LRMDA: variants seen among roughly 807,000 people sequenced by gnomAD.
LRMDA encodes the protein leucine-rich melanocyte differentiation-associated protein.
In LRMDA, 18 loss-of-function variants were observed where a neutral mutation model predicts 29.8. That is an observed-to-expected ratio of 0.60 (90% CI 0.42 to 0.90). The LOEUF (loss-of-function observed/expected upper bound fraction) is 0.90. Ranked by LOEUF, LRMDA falls within the 40% of genes least tolerant of loss-of-function variation. The probability of loss-of-function intolerance (pLI) is 0.00; values close to 1 mark genes in which losing one functional copy is unlikely to be tolerated. For synonymous variants in LRMDA, 125 were observed against 109.4 expected (o/e 1.14, Z -0.89); for missense variants, 273 against 273.9 (o/e 1.00, Z 0.02).
chr10:76,115,840 G>T (rs1293826926), intron 5 of LRMDA, among the ~76,000 whole-genome samples: 1 of 152,132 alleles, frequency 6.6e-6, no homozygotes, highest in East Asian at 1.9e-4. Context: ...CTGGAGTGGT[G>T]AGGGAGAAAA....
intron 3 of LRMDA, among the ~76,000 whole-genome samples, chr10:76,041,704 G>A (rs1474333191): frequency 6.6e-6 from 1 of 152,124 alleles, no homozygotes; most frequent in Non-Finnish European, 1.5e-5. Flanking sequence ...AAGGCAAGAT[G>A]CTGCTTTGAT....
intron 5 of LRMDA, among the ~76,000 whole-genome samples, chr10:76,106,352 C>T (rs1849484284): frequency 6.6e-6 from 1 of 152,152 alleles, no homozygotes; most frequent in Non-Finnish European, 1.5e-5. Context: ...TAAAGTCTAA[C>T]CTAACCCCCA....
chr10:76,494,930 C>T (rs1326440935), intron 6 of LRMDA, among the ~76,000 whole-genome samples: 1 of 151,738 alleles, frequency 6.6e-6, no homozygotes, highest in Non-Finnish European at 1.5e-5. Context: ...TTATTTTGGC[C>T]AGAAAATATT....
At chr10:76,386,208 T>C (rs1242991117) in intron 6 of LRMDA, among the ~76,000 whole-genome samples, 2 of 152,244 alleles carry the variant, frequency 1.3e-5, no homozygotes, top group South Asian at 4.1e-4. Context: ...ACAAAGTCTA[T>C]ATATTTTATA....
chr10:75,587,039 A>G (rs1393923749), intron 2 of LRMDA, among the ~76,000 whole-genome samples: 4 of 152,192 alleles, frequency 2.6e-5, no homozygotes, highest in African/African-American at 9.6e-5. Context: ...CATATCCATG[A>G]CATCATTGCT....
chr10:75,551,162 C>CTT (rs71307703), intron 2 of LRMDA, among the ~76,000 whole-genome samples: 4,660 of 136,192 alleles, frequency 0.034, 276 homozygotes, highest in African/African-American at 0.12. Flanking sequence ...AGTCAGCTAT[C>CTT]TTTTTTTTTT....
At chr10:75,844,895 A>G (rs1844606541) in intron 2 of LRMDA, among the ~76,000 whole-genome samples, 1 of 152,162 alleles carries the variant, frequency 6.6e-6, no homozygotes, top group Non-Finnish European at 1.5e-5. Flanking sequence ...AACAATGGAT[A>G]TTTTAGAGCT....
At chr10:76,059,723 AAAAAAC>A (rs1451087473) in intron 5 of LRMDA, among the ~76,000 whole-genome samples, 2 of 152,248 alleles carry the variant, frequency 1.3e-5, no homozygotes, top group East Asian at 3.8e-4. Context: ...GGGGGGAAAG[AAAAAAC>A]AAAAACAAAA....
At chr10:75,699,649 T>C (rs1422351635) in intron 2 of LRMDA, among the ~76,000 whole-genome samples, 1 of 152,232 alleles carries the variant, frequency 6.6e-6, no homozygotes, top group Non-Finnish European at 1.5e-5. Flanking sequence ...TATCATGATT[T>C]AATACACTCA....
At chr10:75,488,927 G>T (rs779845428) in intron 2 of LRMDA, among the ~76,000 whole-genome samples, 1 of 152,042 alleles carries the variant, frequency 6.6e-6, no homozygotes, top group Non-Finnish European at 1.5e-5. Context: ...CTTTCCCTTC[G>T]TGGGAACCAA....
At chr10:76,220,601 A>G (rs1355569641) in intron 5 of LRMDA, among the ~76,000 whole-genome samples, 9 of 152,316 alleles carry the variant, frequency 5.9e-5, no homozygotes, top group African/African-American at 2.2e-4. Flanking sequence ...TAGACCAATA[A>G]CAGGCTCTGA....
At chr10:75,938,959 C>G (rs142213570) in intron 2 of LRMDA, among the ~76,000 whole-genome samples, 124 of 152,268 alleles carry the variant, frequency 8.1e-4, no homozygotes, top group African/African-American at 2.8e-3. Context: ...AGGGAAGCAG[C>G]GAACTGCAGA....
intron 5 of LRMDA, among the ~76,000 whole-genome samples, chr10:76,144,069 G>A (rs894454364): frequency 3.3e-5 from 5 of 152,200 alleles, no homozygotes; most frequent in Admixed American, 1.3e-4. Context: ...TTTGGTACCA[G>A]TACCATGCTG....
At position 76,376,750 on chromosome 10, in the gene LRMDA, A is replaced by T. The variant is rs1412906574; in HGVS notation, c.601+52265A>T. ...ACATCTGTTGTATTTTGACTTTTTA[A>T]TAATAGCCATTCTGACTGGTATATG... On this transcript the variant is annotated intron_variant, in intron 6 of 6. Transcript: ENST00000611255. Among the ~76,000 whole-genome samples the T allele has an allele frequency of 4.6e-5, 7 of 151,808 alleles. No homozygotes were observed. The South Asian group carries it at 1.5e-3, about 32-fold the overall frequency.
In LRMDA at chr10:75,860,315, T is replaced by G. The variant is rs1011616262; in HGVS notation, c.132-175693T>G. Reference sequence around the variant, plus strand: ...TAGATCATTATGATGTTTCTGGTTTTTTTTTTTTTTTTTTTTTTTTTTTGA... The same window carrying G: ...TAGATCATTATGATGTTTCTGGTTTGTTTTTTTTTTTTTTTTTTTTTTTGA... On this transcript the variant is annotated intron_variant, in intron 2 of 6. Transcript: ENST00000611255. 6.3e-3 allele frequency among the ~76,000 whole-genome samples: 402 copies of G among 63,398 alleles called. 3 individuals are homozygous for G. Among genetic ancestry groups the G allele is most frequent in the Non-Finnish European group, 1.0e-2 (328 of 32,940 alleles). The allele number at this position is 63,398 out of a possible 152,430, so 41.6% of individuals were successfully genotyped here. A position where few individuals can be genotyped will look rare whatever the true frequency, so the allele number is the denominator to read the frequency against.
chr10:76,008,624 C>T (rs1414448844), intron 2 of LRMDA, among the ~76,000 whole-genome samples: 1 of 152,280 alleles, frequency 6.6e-6, no homozygotes, highest in Non-Finnish European at 1.5e-5. Flanking sequence ...CGGGTACACA[C>T]TCCCATGGCT....
intron 6 of LRMDA, among the ~76,000 whole-genome samples, chr10:76,519,469 T>A (rs1459120759): frequency 6.6e-6 from 1 of 152,170 alleles, no homozygotes; most frequent in Non-Finnish European, 1.5e-5. Flanking sequence ...AAAAGTAAAT[T>A]TTCCCTTCCA....
chr10:76,516,465 G>C (rs1189067723), intron 6 of LRMDA, among the ~76,000 whole-genome samples: 1 of 151,998 alleles, frequency 6.6e-6, no homozygotes, highest in African/African-American at 2.4e-5. Flanking sequence ...TTTAGCATTA[G>C]GTATATCTCC....
intron 6 of LRMDA, among the ~76,000 whole-genome samples, chr10:76,331,701 C>G (rs185642610): frequency 3.2e-4 from 49 of 152,170 alleles, no homozygotes; most frequent in Non-Finnish European, 5.7e-4. Context: ...TGTGTTGGTT[C>G]CTCGTGCAGA....
Sources: gnomAD v4.1 joint callset for allele counts (sites outside exome capture counted in the v4.1 genomes callset) on GRCh38, gnomAD v4.1.1 for gene constraint, MANE v1.5 for transcripts, NCBI Gene and HGNC (gene_info 2026-07-23, HGNC 2026-07-21) for gene names.